PHACTR2: variants seen among roughly 807,000 people sequenced by gnomAD.
The protein encoded by PHACTR2 is chromosome 6 open reading frame 56.
PHACTR2 carries 30 observed loss-of-function variants against 76.0 expected under a neutral mutation model. The observed-to-expected ratio is 0.39, with a 90% confidence interval of 0.30 to 0.54. The LOEUF is 0.54. Among genes scored for constraint, PHACTR2 ranks in the 20% least tolerant of loss-of-function variants. The pLI is 0.61. For missense variants in PHACTR2, 696 were observed against 781.1 expected (o/e 0.89, Z 1.30); for synonymous variants, 292 against 292.5 (o/e 1.00, Z 0.02).
rs1332823095 is a variant in PHACTR2 at position 143,596,294 on chromosome 6, C to T, written c.217+59087C>T. ...TCTTTTTAGCGTATGTTCTGTTTTCCAAGTTGGGAGCGGCTAACTAAGCGG... is the reference window on the plus strand; with the variant it reads ...TCTTTTTAGCGTATGTTCTGTTTTCTAAGTTGGGAGCGGCTAACTAAGCGG... On this transcript the variant is annotated intron_variant, in intron 1 of 11. Coordinates refer to the PHACTR2 transcript ENST00000367584. The surrounding 1 kb of genome is among the most constrained non-coding windows in gnomAD (Gnocchi z 4.6). Among the ~76,000 whole-genome samples, 1 of 151,804 alleles carries T rather than the reference C, an allele frequency of 6.6e-6. No individual in the cohort carries two copies. The highest frequency in any genetic ancestry group is 2.4e-5 in the African/African-American group (1 of 41,302).
At position 143,750,142 on chromosome 6, in the gene PHACTR2, T is replaced by C. The variant is rs967847937; in HGVS notation, c.295+1077T>C. Among the ~76,000 whole-genome samples, 1 of 152,184 alleles carries C rather than the reference T, an allele frequency of 6.6e-6. No individual in the cohort carries two copies. The highest frequency in any genetic ancestry group is 1.5e-5 in the Non-Finnish European group (1 of 68,008). ...AATGCTTTCCTGTTTTTCTCCTGAT[T>C]CAAAGAAAGTAGGGAACTCTGCAGT... On this transcript the variant is annotated intron_variant, in intron 3 of 12. Coordinates refer to ENST00000440869, the MANE Select transcript of PHACTR2 (RefSeq NM_001100164.2). The surrounding 1 kb of genome is among the most constrained non-coding windows in gnomAD (Gnocchi z 4.6).
chr6:143,677,304 T>G (rs527641665), upstream of PHACTR2, among the ~76,000 whole-genome samples: 1 of 152,314 alleles, frequency 6.6e-6, no homozygotes, highest in African/African-American at 2.4e-5. Context: ...GTATTCATAT[T>G]TTTAAGAAGA....
chr6:143,774,112 A>C lies in PHACTR2; in HGVS notation c.1486A>C (p.Asn496His), dbSNP rs761154496. The C allele has an allele frequency of 1.2e-6, 2 of 1,614,000 alleles. No homozygotes were observed. The highest frequency in any genetic ancestry group is 2.2e-5 in the South Asian group (2 of 91,074). ...GGATACTCTTGCTATCAAACTTGGCAACAGACCATCTAAGAAAGAACTAGA... is the reference window on the plus strand; with the variant it reads ...GGATACTCTTGCTATCAAACTTGGCCACAGACCATCTAAGAAAGAACTAGA... ...RRDTLAIKLGNRPSKKELEDK... is the reference protein window; with the variant it reads ...RRDTLAIKLGHRPSKKELEDK... Residue 496 changes from asparagine (N) to histidine (H), a missense_variant, in exon 8 of 13, where the codon AAC (asparagine) becomes CAC (histidine). Around this residue, in one of 2 missense-constraint regions of PHACTR2, gnomAD observed 236 missense variants for 330.2 expected, o/e 0.71. Coordinates refer to ENST00000440869, the MANE Select transcript of PHACTR2 (RefSeq NM_001100164.2). This position sits in a 1 kb window ranked among gnomAD's most constrained non-coding sequence, Gnocchi z 5.4.
At chr6:143,655,270 T>C (rs573299534) in intron 1 of PHACTR2, among the ~76,000 whole-genome samples, 57 of 152,242 alleles carry the variant, frequency 3.7e-4, no homozygotes, top group African/African-American at 1.2e-3. Flanking sequence ...ATAGGCAAAT[T>C]CCTAGAGAAA....
intron 12 of PHACTR2, chr6:143,810,492 AT>A (rs1448613718): frequency 4.6e-6 from 2 of 436,990 alleles, no homozygotes; most frequent in Middle Eastern, 3.4e-4. Context: ...ATGAACAATA[AT>A]ACCCCATTTC....
upstream of PHACTR2, among the ~76,000 whole-genome samples, chr6:143,604,087 A>AC (rs574246462): frequency 1.7e-3 from 220 of 126,798 alleles, no homozygotes; most frequent in African/African-American, 5.5e-3. Flanking sequence ...ACAGAGAGAG[A>AC]CTCTGATTCA....
chr6:143,682,079 A>G (rs572921164), intron 1 of PHACTR2, among the ~76,000 whole-genome samples: 1 of 152,346 alleles, frequency 6.6e-6, no homozygotes, highest in South Asian at 2.1e-4. Flanking sequence ...TGAATTTTGC[A>G]ATCAACCTGT....
chr6:143,738,377 AT>A lies in PHACTR2; in HGVS notation c.215-10600del, dbSNP rs1003883377. Reference sequence around the variant, plus strand: ...AACAAAACAAAACAAAAGATTATACATTTTTTTTCATGACCCCCCTGAAAAG... The same window carrying A: ...AACAAAACAAAACAAAAGATTATACATTTTTTTCATGACCCCCCTGAAAAG... On this transcript the variant is annotated intron_variant, in intron 2 of 12. Transcript: ENST00000440869. This position sits in a 1 kb window ranked among gnomAD's most constrained non-coding sequence, Gnocchi z 4.0. Among the ~76,000 whole-genome samples the A allele has an allele frequency of 2.4e-4, 36 of 151,566 alleles. No homozygotes were observed. The highest frequency in any genetic ancestry group is 7.7e-4 in the East Asian group (4 of 5,162).
chr6:143,669,428 G>A (rs1002356472), intron 1 of PHACTR2, among the ~76,000 whole-genome samples: 1 of 152,168 alleles, frequency 6.6e-6, no homozygotes, highest in Non-Finnish European at 1.5e-5. Flanking sequence ...GAATATCCTT[G>A]TTAATATTCT....
chr6:143,775,016 C>T lies in PHACTR2; in HGVS notation c.1589+801C>T, dbSNP rs1359958803. Among the ~76,000 whole-genome samples the T allele has an allele frequency of 2.0e-5, 3 of 152,204 alleles. No individual in the cohort carries two copies. The highest frequency in any genetic ancestry group is 4.4e-5 in the Non-Finnish European group (3 of 68,040). ...TCTGCATACACAACAGGGTGCATAA[C>T]TGGGAGAAAGGAACTGTCTAGAATC... On this transcript the variant is annotated intron_variant, in intron 8 of 12. Transcript: ENST00000440869. This position sits in a 1 kb window ranked among gnomAD's most constrained non-coding sequence, Gnocchi z 4.4.
Position 143,648,976 on chromosome 6 carries a change from C to T in PHACTR2, c.13+40654C>T, listed in dbSNP as rs1053266004. On this transcript the variant is annotated intron_variant, in intron 1 of 11. Coordinates refer to the PHACTR2 transcript ENST00000305766. The surrounding 1 kb of genome is among the most constrained non-coding windows in gnomAD (Gnocchi z 6.7). ...TGTGTCTGTGTGTCTATGTGTATGA[C>T]TGTTTCTATGTATGTCTCTGTGTGT... 1.4e-5 allele frequency among the ~76,000 whole-genome samples: 2 copies of T among 147,258 alleles called. No homozygotes were observed. The highest frequency in any genetic ancestry group is 5.1e-5 in the African/African-American group (2 of 38,900).
At chr6:143,810,022 G>A (rs1776143801) in intron 12 of PHACTR2, among the ~76,000 whole-genome samples, 1 of 151,772 alleles carries the variant, frequency 6.6e-6, no homozygotes. Context: ...GAGGTGGGAG[G>A]ATCACTTGAT....
chr6:143,557,713 C>A lies in PHACTR2; in HGVS notation c.217+20506C>A, dbSNP rs975424534. On this transcript the variant is annotated intron_variant, in intron 1 of 11. Coordinates refer to the PHACTR2 transcript ENST00000367584. This position sits in a 1 kb window ranked among gnomAD's most constrained non-coding sequence, Gnocchi z 5.5. ...TAGAGGCAACCAGTTCCTTGCGTACCCCACCCTCCTTCGTCAGCATGCTGC... is the reference window on the plus strand; with the variant it reads ...TAGAGGCAACCAGTTCCTTGCGTACACCACCCTCCTTCGTCAGCATGCTGC... 7 of 152,182 alleles carry A rather than the reference C, an allele frequency of 4.6e-5. No homozygotes were observed. The highest frequency in any genetic ancestry group is 1.4e-4 in the African/African-American group (6 of 41,434). The allele number at this position is 152,182 out of a possible 1,614,324, so 9.4% of individuals were successfully genotyped here. A position where few individuals can be genotyped will look rare whatever the true frequency, so the allele number is the denominator to read the frequency against.
Position 143,765,514 on chromosome 6 carries a change from C to G in PHACTR2, c.948C>G (p.Leu316=), listed in dbSNP as rs551843716. The change falls in exon 6 of 13, where the codon CTC becomes CTG. Residue 316 remains leucine, a synonymous_variant. Transcript: ENST00000440869. This position sits in a 1 kb window ranked among gnomAD's most constrained non-coding sequence, Gnocchi z 4.1. ...PAETRVESFK[L]EQTVPGAEEQ... ...AGACCAGAGTGGAGAGTTTCAAACT[C>G]GAACAGACTGTCCCTGGAGCTGAGG... 6.2e-7 allele frequency: 1 copy of G among 1,614,090 alleles called. No homozygotes were observed. The highest frequency in any genetic ancestry group is 1.1e-5 in the South Asian group (1 of 91,094).
In PHACTR2 at chr6:143,633,129, G is replaced by A. The variant is rs769585328; in HGVS notation, c.13+24807G>A. 1.1e-4 allele frequency among the ~76,000 whole-genome samples: 17 copies of A among 152,188 alleles called. No individual in the cohort carries two copies. The highest frequency in any genetic ancestry group is 1.8e-4 in the Non-Finnish European group (12 of 68,032). ...AGCCGATTTGGTTAAATACCAAGGC[G>A]TGCAATTGCTGAATCATAGGGTGAG... On this transcript the variant is annotated intron_variant, in intron 1 of 11. Transcript: ENST00000305766. This position sits in a 1 kb window ranked among gnomAD's most constrained non-coding sequence, Gnocchi z 4.1.
Position 143,777,548 on chromosome 6 carries a change from T to A in PHACTR2, c.1645+165T>A, listed in dbSNP as rs1329779027. Among the ~76,000 whole-genome samples, 2 of 152,200 alleles carry A rather than the reference T, an allele frequency of 1.3e-5. No homozygotes were observed. Among genetic ancestry groups the A allele is most frequent in the African/African-American group, 4.8e-5 (2 of 41,450 alleles). On this transcript the variant is annotated intron_variant, in intron 9 of 12. Transcript: ENST00000440869. This position sits in a 1 kb window ranked among gnomAD's most constrained non-coding sequence, Gnocchi z 4.6. ...ATATGTAATTGTTTATATATTTTTT[T>A]AATTTCTTGAATTTGATATTTGATT...
At chr6:143,622,717 T>G (rs1485438704) in intron 1 of PHACTR2, among the ~76,000 whole-genome samples, 1 of 152,174 alleles carries the variant, frequency 6.6e-6, no homozygotes, top group African/African-American at 2.4e-5. Context: ...AGAAAAGTCC[T>G]TGTGAACCTT....
At chr6:143,758,505 A>G (rs990036935) in intron 4 of PHACTR2, among the ~76,000 whole-genome samples, 7 of 152,222 alleles carry the variant, frequency 4.6e-5, no homozygotes, top group Non-Finnish European at 8.8e-5. Flanking sequence ...ATAGGTGTGT[A>G]TCAACTTGTA....
At chr6:143,593,159 G>A (rs1385849114) in intron 1 of PHACTR2, among the ~76,000 whole-genome samples, 3 of 151,868 alleles carry the variant, frequency 2.0e-5, no homozygotes, top group African/African-American at 4.8e-5. Context: ...CATCCACTAG[G>A]CATCAGGTTG....
Sources: allele counts gnomAD v4.1 joint callset (sites outside exome capture counted in the v4.1 genomes callset), GRCh38; gene constraint gnomAD v4.1.1; regional missense constraint gnomAD v4.1.1; non-coding constraint Gnocchi (gnomAD v3.1); transcripts MANE v1.5; gene names NCBI Gene and HGNC (gene_info 2026-07-23, HGNC 2026-07-21).